B3GALT1: variants seen among roughly 807,000 people sequenced by gnomAD.
B3GALT1 encodes the protein beta-1,3-galactosyltransferase 1, also known as UDP-Gal:betaGlcNAc beta 1,3-galactosyltransferase, polypeptide 1.
B3GALT1 carries 10 observed loss-of-function variants against 23.2 expected under a neutral mutation model. That is an observed-to-expected ratio of 0.43 (90% CI 0.27 to 0.73). B3GALT1 has a LOEUF of 0.73. Among genes scored for constraint, B3GALT1 ranks in the 30% least tolerant of loss-of-function variants. The probability of loss-of-function intolerance (pLI) is 0.21; values close to 1 mark genes in which losing one functional copy is unlikely to be tolerated. For missense variants in B3GALT1, 299 were observed against 405.4 expected, an observed-to-expected ratio of 0.74 and a Z score of 2.25; for synonymous variants, 156 against 141.5, an observed-to-expected ratio of 1.10 and a Z score of -0.73.
chr2:167,595,178 G>T (rs188248169), intron 2 of B3GALT1, among the ~76,000 whole-genome samples: 47 of 152,270 alleles, frequency 3.1e-4, no homozygotes, highest in African/African-American at 9.9e-4. Flanking sequence ...TAGGATGGGT[G>T]CTGTGTTGTG....
At chr2:167,564,914 G>GA (rs1684125712) in intron 2 of B3GALT1, among the ~76,000 whole-genome samples, 3 of 152,308 alleles carry the variant, frequency 2.0e-5, no homozygotes, top group Non-Finnish European at 1.5e-5. Context: ...TCAATATCAT[G>GA]AAAATGGCCA....
At chr2:167,605,685 G>A (rs1215551407) in intron 2 of B3GALT1, among the ~76,000 whole-genome samples, 1 of 152,248 alleles carries the variant, frequency 6.6e-6, no homozygotes, top group Non-Finnish European at 1.5e-5. Context: ...TCAGGAGAGA[G>A]TTGGAAAGAA....
At chr2:167,685,401 T>C (rs898129614) in intron 3 of B3GALT1, among the ~76,000 whole-genome samples, 6 of 152,218 alleles carry the variant, frequency 3.9e-5, no homozygotes, top group Admixed American at 6.5e-5. Flanking sequence ...CTATCCATTA[T>C]TCTAGTTAGA....
chr2:167,803,270 T>C (rs1688676507), intron 3 of B3GALT1, among the ~76,000 whole-genome samples: 2 of 152,226 alleles, frequency 1.3e-5, no homozygotes, highest in Non-Finnish European at 2.9e-5. Context: ...AATTTTTAGA[T>C]ACTTATGCAT....
chr2:167,521,218 A>G (rs1158594083), intron 2 of B3GALT1, among the ~76,000 whole-genome samples: 1 of 152,162 alleles, frequency 6.6e-6, no homozygotes, highest in Non-Finnish European at 1.5e-5. Context: ...TTGCTCTGAT[A>G]GAAGCTCTTG....
At chr2:167,763,778 A>C (rs910280974) in intron 3 of B3GALT1, among the ~76,000 whole-genome samples, 36 of 151,912 alleles carry the variant, frequency 2.4e-4, no homozygotes, top group African/African-American at 8.0e-4. Flanking sequence ...AAAATAAAAG[A>C]TTTCTGATCA....
At chr2:167,513,813 T>C in intron 2 of B3GALT1, among the ~76,000 whole-genome samples, 1 of 152,206 alleles carries the variant, frequency 6.6e-6, no homozygotes, top group Middle Eastern at 3.2e-3. Flanking sequence ...GGTTTACAGA[T>C]GTACACTCTT....
At chr2:167,475,316 C>G (rs1180843835) in intron 1 of B3GALT1, among the ~76,000 whole-genome samples, 1 of 152,154 alleles carries the variant, frequency 6.6e-6, no homozygotes, top group Non-Finnish European at 1.5e-5. Flanking sequence ...CAGTTCCACT[C>G]TCAAGGTATC....
At chr2:167,611,106 C>T (rs532060432) in intron 2 of B3GALT1, among the ~76,000 whole-genome samples, 2 of 151,716 alleles carry the variant, frequency 1.3e-5, no homozygotes, top group East Asian at 3.9e-4. Context: ...AGTTTACCTA[C>T]ATAATAAACC....
chr2:167,744,412 T>C (rs904723568), intron 3 of B3GALT1, among the ~76,000 whole-genome samples: 1 of 152,206 alleles, frequency 6.6e-6, no homozygotes, highest in Non-Finnish European at 1.5e-5. Context: ...GCAACTATTA[T>C]TATAGATCTC....
intron 1 of B3GALT1, among the ~76,000 whole-genome samples, chr2:167,452,263 C>T (rs1048997250): frequency 1.3e-5 from 2 of 152,144 alleles, no homozygotes; most frequent in African/African-American, 4.8e-5. Flanking sequence ...CTGGAAGTTT[C>T]CTTCTCTCTG....
intron 1 of B3GALT1, among the ~76,000 whole-genome samples, chr2:167,320,684 C>T (rs1028359963): frequency 2.0e-5 from 3 of 152,022 alleles, no homozygotes; most frequent in African/African-American, 7.2e-5. Context: ...GTCATGTTTC[C>T]TGTATAGATT....
At chr2:167,308,979 A>T (rs973857486) in intron 1 of B3GALT1, among the ~76,000 whole-genome samples, 3 of 152,116 alleles carry the variant, frequency 2.0e-5, no homozygotes, top group Non-Finnish European at 4.4e-5. Context: ...TGTCATAGTG[A>T]TATCGGCAAC....
intron 1 of B3GALT1, among the ~76,000 whole-genome samples, chr2:167,296,730 G>A (rs1344719910): frequency 6.6e-6 from 1 of 152,120 alleles, no homozygotes; most frequent in East Asian, 1.9e-4. Flanking sequence ...TGCTTTGACT[G>A]TGTGAATGAA....
At chr2:167,453,565 A>G (rs1699121353) in intron 1 of B3GALT1, among the ~76,000 whole-genome samples, 1 of 147,680 alleles carries the variant, frequency 6.8e-6, no homozygotes, top group South Asian at 2.1e-4. Context: ...GGATTATAGA[A>G]TAATACTACA....
intron 3 of B3GALT1, among the ~76,000 whole-genome samples, chr2:167,670,916 A>G (rs1429573350): frequency 1.3e-5 from 2 of 152,174 alleles, no homozygotes; most frequent in African/African-American, 2.4e-5. Context: ...AAGCAAACCA[A>G]TATACAAATT....
chr2:167,597,105 T>A (rs540940174), intron 2 of B3GALT1, among the ~76,000 whole-genome samples: 1 of 147,300 alleles, frequency 6.8e-6, no homozygotes, highest in Admixed American at 6.7e-5. Context: ...TTGGTTTTTG[T>A]TTTTTGTTTT....
intron 2 of B3GALT1, among the ~76,000 whole-genome samples, chr2:167,491,862 G>A (rs1287167075): frequency 1.3e-5 from 2 of 151,740 alleles, no homozygotes; most frequent in Admixed American, 1.3e-4. Context: ...TAATTGGAAA[G>A]TACACAGAGA....
intron 3 of B3GALT1, chr2:167,714,995 A>G: frequency 1.9e-6 from 3 of 1,611,604 alleles, no homozygotes; most frequent in Non-Finnish European, 1.7e-6. Flanking sequence ...TTGAGTCTGA[A>G]GATTTTTAAT....
Sources: gnomAD v4.1 joint callset for allele counts (sites outside exome capture counted in the v4.1 genomes callset) on GRCh38, gnomAD v4.1.1 for gene constraint, MANE v1.5 for transcripts, NCBI Gene and HGNC (gene_info 2026-07-23, HGNC 2026-07-21) for gene names.